FHAD1: variants seen among roughly 807,000 people sequenced by gnomAD.
FHAD1 encodes the protein forkhead associated phosphopeptide binding domain 1.
Under a neutral mutation model 191.3 loss-of-function variants are expected in FHAD1, and 146 were observed. The observed-to-expected ratio is 0.76, with a 90% CI of 0.67 to 0.88. FHAD1 has a LOEUF of 0.88. Ranked by LOEUF, FHAD1 falls within the 40% of genes least tolerant of loss-of-function variation. FHAD1 has a pLI of 0.00. For synonymous variants in FHAD1, 616 were observed against 672.3 expected (o/e 0.92, Z 1.29); for missense variants, 1,635 against 1,785.8 (o/e 0.92, Z 1.52).
At chr1:15,260,496 T>C (rs1029144244) in intron 2 of FHAD1, among the ~76,000 whole-genome samples, 1 of 152,236 alleles carries the variant, frequency 6.6e-6, no homozygotes, top group African/African-American at 2.4e-5. Context: ...AATCAAAGTG[T>C]TGGCCGCCTG....
chr1:15,249,427 T>C (rs867185260), intron 1 of FHAD1, among the ~76,000 whole-genome samples: 1 of 152,198 alleles, frequency 6.6e-6, no homozygotes, highest in Non-Finnish European at 1.5e-5. Flanking sequence ...TGGTGCTTGA[T>C]GATGTAGTCC....
intron 8 of FHAD1, among the ~76,000 whole-genome samples, chr1:15,314,268 G>T (rs1209132458): frequency 6.6e-6 from 1 of 152,148 alleles, no homozygotes; most frequent in Admixed American, 6.5e-5. Context: ...CACCCAGGCA[G>T]GGTGGATCTG....
At position 15,369,405 on chromosome 1, in the gene FHAD1, C is replaced by T. The variant is rs1697468028; in HGVS notation, c.3350C>T (p.Thr1117Ile). The T allele has an allele frequency of 6.4e-7, 1 of 1,551,994 alleles. No individual in the cohort carries two copies. Among genetic ancestry groups the T allele is most frequent in the Non-Finnish European group, 8.7e-7 (1 of 1,147,052 alleles). Reference sequence around the variant, plus strand: ...GAGAAACACAGACTCCAGCTGAACACAGAGAAGGAACAGAAGCCCCGGAAG... The same window carrying T: ...GAGAAACACAGACTCCAGCTGAACATAGAGAAGGAACAGAAGCCCCGGAAG... ...SQEKHRLQLN[T>I]EKEQKPRKKT... Residue 1117 changes from threonine to isoleucine, a missense_variant, in exon 26 of 34, where the codon ACA (threonine) becomes ATA (isoleucine). Thr to Ile is a moderately conservative substitution (Grantham distance 89). Coordinates refer to ENST00000688493, the MANE Select transcript of FHAD1 (RefSeq NM_001391957.1).
intron 3 of FHAD1, among the ~76,000 whole-genome samples, chr1:15,281,387 A>T (rs1573938729): frequency 6.6e-6 from 1 of 152,322 alleles, no homozygotes; most frequent in Non-Finnish European, 1.5e-5. Flanking sequence ...AAGCGACATT[A>T]GTGGTTCCAT....
intron 14 of FHAD1, among the ~76,000 whole-genome samples, chr1:15,330,522 CAG>C (rs1016175848): frequency 3.9e-5 from 6 of 152,186 alleles, no homozygotes; most frequent in South Asian, 2.1e-4. Context: ...CTTATGGTCT[CAG>C]GGGGAAGGAT....
intron 3 of FHAD1, among the ~76,000 whole-genome samples, chr1:15,280,317 A>G (rs999554016): frequency 3.3e-5 from 5 of 152,160 alleles, no homozygotes; most frequent in African/African-American, 9.7e-5. Context: ...GTGCTGTTAC[A>G]GCTCTTGGAG....
At chr1:15,372,447 A>G (rs761316372) in intron 26 of FHAD1, among the ~76,000 whole-genome samples, 1 of 152,192 alleles carries the variant, frequency 6.6e-6, no homozygotes, top group Non-Finnish European at 1.5e-5. Context: ...CGGAGCACTT[A>G]TCATTCTCCA....
In FHAD1 at chr1:15,316,593, A is replaced by C. The variant is rs1674538503; in HGVS notation, c.1260+126A>C. 2.5e-6 allele frequency: 2 copies of C among 795,664 alleles called. No individual in the cohort carries two copies. Among genetic ancestry groups the C allele is most frequent in the Admixed American group, 5.4e-5 (2 of 37,066 alleles). 49.3% of individuals were successfully genotyped at this position (795,664 alleles called of 1,614,324 possible). ...GGGGCTCTGTGCTTGCTTGTTTAACATAGTCTCATTGCTCTTTGATCTGCT... is the reference window on the plus strand; with the variant it reads ...GGGGCTCTGTGCTTGCTTGTTTAACCTAGTCTCATTGCTCTTTGATCTGCT... On this transcript the variant is annotated intron_variant, in intron 9 of 33. Coordinates refer to ENST00000688493, the MANE Select transcript of FHAD1 (RefSeq NM_001391957.1). This position sits in a 1 kb window ranked among gnomAD's most constrained non-coding sequence, Gnocchi z 4.3.
intron 10 of FHAD1, among the ~76,000 whole-genome samples, chr1:15,323,820 T>C (rs921455715): frequency 2.0e-5 from 3 of 152,222 alleles, no homozygotes; most frequent in Non-Finnish European, 4.4e-5. Context: ...AAACGCCTTC[T>C]TTTGCAGGCT....
intron 32 of FHAD1, among the ~76,000 whole-genome samples, chr1:15,389,824 A>G (rs964244529): frequency 3.5e-4 from 53 of 152,258 alleles, no homozygotes; most frequent in African/African-American, 1.3e-3. Context: ...AATAACAAAT[A>G]GTGATTTAGT....
At position 15,289,386 on chromosome 1, in the gene FHAD1, T is replaced by C; in HGVS notation, c.301-13T>C. On this transcript the variant is annotated splice_polypyrimidine_tract_variant and intron_variant, in intron 3 of 33. Coordinates refer to ENST00000688493, the MANE Select transcript of FHAD1 (RefSeq NM_001391957.1). The surrounding 1 kb of genome is among the most constrained non-coding windows in gnomAD (Gnocchi z 4.2). Reference sequence around the variant, plus strand: ...CGGTCATAACCTCCCCTGACCCTTGTCTGCCCCTGCAGGTCTCTTTCCCAT... The same window carrying C: ...CGGTCATAACCTCCCCTGACCCTTGCCTGCCCCTGCAGGTCTCTTTCCCAT... The C allele has an allele frequency of 6.5e-7, 1 of 1,550,366 alleles. No homozygotes were observed. Among genetic ancestry groups the C allele is most frequent in the Non-Finnish European group, 8.7e-7 (1 of 1,146,318 alleles).
chr1:15,304,395 G>A (rs767529978), intron 6 of FHAD1, among the ~76,000 whole-genome samples: 6 of 152,210 alleles, frequency 3.9e-5, no homozygotes, highest in Non-Finnish European at 7.3e-5. Context: ...GATGTTTGAA[G>A]ACTACTTGGA....
At chr1:15,317,967 G>C in intron 10 of FHAD1, 39 bp downstream of exon 10, 1 of 1,295,772 alleles carries the variant, frequency 7.7e-7, no homozygotes, top group Non-Finnish European at 1.1e-6. Flanking sequence ...TGGTGTGGGC[G>C]GTAGCTCCCC....
chr1:15,365,885 T>C lies in FHAD1; in HGVS notation c.3106T>C (p.Leu1036=). The change falls in exon 24 of 34, where the codon TTA becomes CTA. Residue 1036 remains leucine, a synonymous_variant. Coordinates refer to ENST00000688493, the MANE Select transcript of FHAD1 (RefSeq NM_001391957.1). ...GTCTCAGCAGGAAGTCATCATGAAG[T>C]TAAGGAAAGACCTTACCGAAGCCCA... The part of the protein sequence containing the change: ...ILSQQEVIMK[L]RKDLTEAHSR... The C allele has an allele frequency of 6.4e-7, 1 of 1,551,662 alleles. No homozygotes were observed. The highest frequency in any genetic ancestry group is 1.4e-5 in the African/African-American group (1 of 73,118).
chr1:15,304,596 C>G (rs1669837741), intron 6 of FHAD1, among the ~76,000 whole-genome samples: 2 of 152,214 alleles, frequency 1.3e-5, no homozygotes, highest in South Asian at 4.1e-4. Context: ...AAAAAAATTC[C>G]AAGTGCCTTT....
At chr1:15,303,624 C>G (rs1016576363) in intron 6 of FHAD1, among the ~76,000 whole-genome samples, 4 of 152,062 alleles carry the variant, frequency 2.6e-5, no homozygotes, top group Non-Finnish European at 5.9e-5. Context: ...CCAAGGCAGG[C>G]GGATCACCTG....
At chr1:15,348,008 G>A (rs1255473588) in intron 18 of FHAD1, among the ~76,000 whole-genome samples, 1 of 152,176 alleles carries the variant, frequency 6.6e-6, no homozygotes, top group Non-Finnish European at 1.5e-5. Flanking sequence ...GTCAGACACA[G>A]CAGAGCCAAC....
At chr1:15,295,429 C>G (rs907374027) in intron 4 of FHAD1, among the ~76,000 whole-genome samples, 5 of 152,044 alleles carry the variant, frequency 3.3e-5, no homozygotes, top group East Asian at 1.9e-4. Flanking sequence ...GATAACATAG[C>G]AAGATCCTGT....
At chr1:15,245,590 T>A (rs1047172243), upstream of FHAD1, among the ~76,000 whole-genome samples, 1 of 152,182 alleles carries the variant, frequency 6.6e-6, no homozygotes, top group African/African-American at 2.4e-5. Context: ...ACCCTCTCTG[T>A]TCCTGTGAAG....
Sources: allele counts gnomAD v4.1 joint callset (sites outside exome capture counted in the v4.1 genomes callset), GRCh38; gene constraint gnomAD v4.1.1; non-coding constraint Gnocchi (gnomAD v3.1); transcripts MANE v1.5; gene names NCBI Gene and HGNC (gene_info 2026-07-23, HGNC 2026-07-21).